Variants in AFAP1L2 observed in about 807,000 individuals in gnomAD.
The protein encoded by AFAP1L2 is actin filament associated protein 1 like 2.
A neutral mutation model predicts 99.3 loss-of-function variants in AFAP1L2; 46 were observed. The ratio of observed to expected loss-of-function variants is 0.46; its 90% CI spans 0.37 to 0.59. The LOEUF (loss-of-function observed/expected upper bound fraction) is 0.59, where lower values mean the gene tolerates loss of function less well. Among genes scored for constraint, AFAP1L2 ranks in the 20% least tolerant of loss-of-function variants. The probability of loss-of-function intolerance (pLI) is 0.00; values close to 1 mark genes in which losing one functional copy is unlikely to be tolerated. For missense variants in AFAP1L2, 959 were observed against 1,034.9 expected (o/e 0.93, Z 1.01); for synonymous variants, 397 against 419.1 (o/e 0.95, Z 0.64).
the AFAP1L2 span, chr10:114,285,936 C>G: frequency 6.3e-7 from 1 of 1,584,482 alleles, no homozygotes; most frequent in African/African-American, 1.3e-5. Flanking sequence ...GTGATCCCCG[C>G]AGCCCTGAAG....
intron 1 of AFAP1L2, among the ~76,000 whole-genome samples, chr10:114,365,179 C>A (rs1225864019): frequency 6.6e-6 from 1 of 152,188 alleles, no homozygotes; most frequent in Admixed American, 6.5e-5. Context: ...TCTCCTACTT[C>A]CCCTGGCCCA....
intron 1 of AFAP1L2, among the ~76,000 whole-genome samples, chr10:114,394,369 C>T (rs1194917276): frequency 6.6e-6 from 1 of 152,172 alleles, no homozygotes; most frequent in East Asian, 1.9e-4. Context: ...ACCAGCCCCT[C>T]CTGGGAGAAG....
At chr10:114,296,791 T>G in intron 18 of AFAP1L2, 187 bp downstream of exon 18, 1 of 892,314 alleles carries the variant, frequency 1.1e-6, no homozygotes, top group Non-Finnish European at 1.7e-6. Flanking sequence ...GCAGACACCT[T>G]TCTGGTTGGT....
At chr10:114,322,949 C>G (rs955945227) in intron 5 of AFAP1L2, among the ~76,000 whole-genome samples, 1 of 152,246 alleles carries the variant, frequency 6.6e-6, no homozygotes, top group African/African-American at 2.4e-5. Flanking sequence ...CCTTGCAGGA[C>G]AGCTAGGTCT....
downstream of AFAP1L2, chr10:114,291,249 C>T: frequency 6.5e-7 from 1 of 1,550,140 alleles, no homozygotes; most frequent in Non-Finnish European, 8.7e-7. Context: ...GCACATGGCT[C>T]CCGTGCAGGA....
chr10:114,331,506 A>AT (rs2047226539), intron 4 of AFAP1L2, among the ~76,000 whole-genome samples: 1 of 152,192 alleles, frequency 6.6e-6, no homozygotes, highest in Non-Finnish European at 1.5e-5. Context: ...TGGTGACCAC[A>AT]GCTGTTCATG....
At chr10:114,400,890 CCTTAGATAGAA>C (rs539368410) in intron 1 of AFAP1L2, among the ~76,000 whole-genome samples, 39 of 152,250 alleles carry the variant, frequency 2.6e-4, no homozygotes, top group Non-Finnish European at 5.3e-4. Context: ...AGAACTACTG[CCTTAGATAGAA>C]CTTCAACACA....
At chr10:114,300,129 C>G in intron 15 of AFAP1L2, 65 bp downstream of exon 15, 1 of 1,603,966 alleles carries the variant, frequency 6.2e-7, no homozygotes, top group Non-Finnish European at 8.5e-7. Flanking sequence ...CCTATTAGTT[C>G]TGTCCCTCTA....
At chr10:114,338,405 C>T (rs2135824699) in intron 2 of AFAP1L2, among the ~76,000 whole-genome samples, 1 of 152,306 alleles carries the variant, frequency 6.6e-6, no homozygotes. Flanking sequence ...GTTATGACTT[C>T]ACAAAAAGGG....
chr10:114,337,602 AG>A (rs2048171442), intron 2 of AFAP1L2, among the ~76,000 whole-genome samples: 1 of 152,122 alleles, frequency 6.6e-6, no homozygotes, highest in Non-Finnish European at 1.5e-5. Context: ...GTCCACGGAG[AG>A]GGGAAGGCCT....
the AFAP1L2 span, among the ~76,000 whole-genome samples, chr10:114,283,724 T>C: frequency 1.3e-5 from 2 of 152,224 alleles, no homozygotes; most frequent in African/African-American, 4.8e-5. Context: ...TGTATTGTGC[T>C]TAGCACAGTC....
At chr10:114,337,159 A>G (rs1412954321) in intron 2 of AFAP1L2, among the ~76,000 whole-genome samples, 2 of 152,238 alleles carry the variant, frequency 1.3e-5, no homozygotes, top group Non-Finnish European at 2.9e-5. Flanking sequence ...AGTTAACTGC[A>G]GTGCAATGGA....
intron 1 of AFAP1L2, among the ~76,000 whole-genome samples, chr10:114,392,079 G>T (rs925114435): frequency 3.3e-5 from 5 of 152,116 alleles, no homozygotes; most frequent in Admixed American, 2.0e-4. Flanking sequence ...AAGTCTCAGA[G>T]AAACCCATAG....
At chr10:114,303,104 G>C (rs566991596) in intron 11 of AFAP1L2, among the ~76,000 whole-genome samples, 2 of 152,134 alleles carry the variant, frequency 1.3e-5, no homozygotes, top group East Asian at 1.9e-4. Context: ...CATCCATTGG[G>C]TACCTCAATT....
intron 1 of AFAP1L2, among the ~76,000 whole-genome samples, chr10:114,382,319 C>T (rs1367099171): frequency 1.3e-5 from 2 of 150,942 alleles, no homozygotes; most frequent in African/African-American, 4.9e-5. Context: ...AAGAACACAG[C>T]AGCATATCTA....
At chr10:114,400,497 T>A (rs986536869) in intron 1 of AFAP1L2, among the ~76,000 whole-genome samples, 2 of 152,214 alleles carry the variant, frequency 1.3e-5, no homozygotes, top group African/African-American at 2.4e-5. Context: ...AGATCGTTTT[T>A]AAGCAACGTT....
intron 1 of AFAP1L2, among the ~76,000 whole-genome samples, chr10:114,357,917 A>C (rs554011758): frequency 3.0e-4 from 45 of 152,268 alleles, no homozygotes; most frequent in Non-Finnish European, 4.9e-4. Context: ...ACACTTTCTA[A>C]GTGTTTTTAA....
intron 1 of AFAP1L2, among the ~76,000 whole-genome samples, chr10:114,361,228 G>A (rs1251258870): frequency 1.3e-5 from 2 of 152,136 alleles, no homozygotes; most frequent in Non-Finnish European, 2.9e-5. Context: ...TTCAAGAAGA[G>A]ATTTGAGTGG....
chr10:114,330,116 C>T (rs1004032672), intron 4 of AFAP1L2, among the ~76,000 whole-genome samples: 1 of 152,162 alleles, frequency 6.6e-6, no homozygotes, highest in African/African-American at 2.4e-5. Context: ...GCTCAAGGGA[C>T]GGCATGCAAT....
Sources: gnomAD v4.1 joint callset for allele counts (sites outside exome capture counted in the v4.1 genomes callset) on GRCh38, gnomAD v4.1.1 for gene constraint, MANE v1.5 for transcripts, NCBI Gene and HGNC (gene_info 2026-07-23, HGNC 2026-07-21) for gene names.